The following TRPM3 variants were observed in gnomAD, a reference collection of about 807,000 sequenced individuals.
TRPM3 encodes the protein transient receptor potential cation channel subfamily M member 3, also known as long transient receptor potential channel 3.
A neutral mutation model predicts 181.2 loss-of-function variants in TRPM3; 77 were observed. That is an observed-to-expected ratio of 0.42 (90% CI 0.35 to 0.51). The LOEUF (loss-of-function observed/expected upper bound fraction) is 0.51, where lower values mean the gene tolerates loss of function less well. TRPM3 is among the 20% of genes least tolerant of loss of function. TRPM3 has a pLI of 0.01. For missense variants in TRPM3, 1,759 were observed against 2,196.7 expected, an observed-to-expected ratio of 0.80 and a Z score of 3.98; for synonymous variants, 745 against 796.4, an observed-to-expected ratio of 0.94 and a Z score of 1.09.
chr9:70,694,222 A>T (rs1025934049), intron 8 of TRPM3, among the ~76,000 whole-genome samples: 1 of 152,150 alleles, frequency 6.6e-6, no homozygotes, highest in Admixed American at 6.5e-5. Context: ...AGTATGGCAG[A>T]TGTCCTGTGT....
intron 1 of TRPM3, among the ~76,000 whole-genome samples, chr9:71,331,933 G>C (rs999544069): frequency 2.2e-5 from 3 of 137,072 alleles, no homozygotes; most frequent in African/African-American, 8.2e-5. Flanking sequence ...GAGGAAGAAG[G>C]TGAAGGAGAA....
intron 1 of TRPM3, among the ~76,000 whole-genome samples, chr9:71,372,779 G>T (rs1047324710): frequency 1.3e-5 from 2 of 152,024 alleles, no homozygotes; most frequent in Admixed American, 6.6e-5. Context: ...TGGCAAGCTG[G>T]GTAAAGGGTC....
chr9:71,418,826 T>TATAG (rs138198194), intron 1 of TRPM3, among the ~76,000 whole-genome samples: 10 of 143,072 alleles, frequency 7.0e-5, no homozygotes, highest in Middle Eastern at 3.6e-3. Flanking sequence ...TATATATATA[T>TATAG]ATCCTTTGAG....
chr9:70,551,121 C>A (rs1445802686), intron 24 of TRPM3, among the ~76,000 whole-genome samples: 4 of 152,168 alleles, frequency 2.6e-5, no homozygotes, highest in Non-Finnish European at 5.9e-5. Flanking sequence ...AAATAAAATA[C>A]TATTTTTTAA....
chr9:70,977,370 G>A (rs1246123891), intron 1 of TRPM3, among the ~76,000 whole-genome samples: 7 of 152,196 alleles, frequency 4.6e-5, no homozygotes, highest in Admixed American at 4.6e-4. Flanking sequence ...TCCTGACCTC[G>A]TGATCCCCCG....
chr9:71,259,108 T>C (rs1295858339), intron 1 of TRPM3, among the ~76,000 whole-genome samples: 1 of 152,052 alleles, frequency 6.6e-6, no homozygotes, highest in East Asian at 1.9e-4. Flanking sequence ...TGTGTTCTCA[T>C]TGTTCAACTC....
At position 71,281,922 on chromosome 9, in the gene TRPM3, G is replaced by T. The variant is rs111456985; in HGVS notation, c.183+164731C>A. Among the ~76,000 whole-genome samples, 3 of 152,178 alleles carry T rather than the reference G, an allele frequency of 2.0e-5. No homozygotes were observed. The South Asian group carries it at 6.2e-4, about 32-fold the overall frequency. On this transcript the variant is annotated intron_variant, in intron 1 of 24. Transcript: ENST00000357533. ...ACTAAAAGTACAAAATTAGCCAGGC[G>T]TGGTGGCACATGCCTGTAATCCTGG...
chr9:71,400,015 G>A (rs769531490), intron 1 of TRPM3, among the ~76,000 whole-genome samples: 2 of 152,110 alleles, frequency 1.3e-5, no homozygotes, highest in Admixed American at 6.5e-5. Context: ...GTTTCTTCAG[G>A]TGAGAAATAA....
chr9:71,166,543 C>T (rs954797237), intron 1 of TRPM3, among the ~76,000 whole-genome samples: 2 of 152,038 alleles, frequency 1.3e-5, no homozygotes, highest in South Asian at 2.1e-4. Context: ...TCTGACCTGA[C>T]ACTGGAGTAT....
intron 3 of TRPM3, 85 bp from the exon 4 acceptor site, chr9:70,846,676 A>C: frequency 1.8e-6 from 2 of 1,128,012 alleles, no homozygotes; most frequent in Non-Finnish European, 2.6e-6. Context: ...TTATATGTGT[A>C]GTTATGTGAC....
chr9:70,549,287 C>T (rs1469559305), intron 25 of TRPM3, among the ~76,000 whole-genome samples: 6 of 152,152 alleles, frequency 3.9e-5, no homozygotes, highest in Non-Finnish European at 7.3e-5. Context: ...TCAGGCCTGT[C>T]CTGCACTCAA....
chr9:70,798,737 G>A lies in TRPM3; in HGVS notation c.974-14458C>T, dbSNP rs546568063. Among the ~76,000 whole-genome samples the A allele has an allele frequency of 7.6e-4, 115 of 152,314 alleles. 1 individual carries two copies. Among genetic ancestry groups the A allele is most frequent in the African/African-American group, 2.5e-3 (103 of 41,572 alleles). On this transcript the variant is annotated intron_variant, in intron 6 of 25. Transcript: ENST00000677713. ...GAAGAGCTAAAGGGACAGGAATAAC[G>A]TGATAATCATTAAGGGGTTGCCTGT...
chr9:70,592,602 T>C (rs2058307650), intron 21 of TRPM3, among the ~76,000 whole-genome samples: 1 of 152,116 alleles, frequency 6.6e-6, no homozygotes, highest in African/African-American at 2.4e-5. Flanking sequence ...CATCAAAACA[T>C]AGAATACAAA....
chr9:70,961,157 T>C (rs2097132816), intron 1 of TRPM3, among the ~76,000 whole-genome samples: 1 of 152,052 alleles, frequency 6.6e-6, no homozygotes, highest in Admixed American at 6.6e-5. Flanking sequence ...AGAGAGGAGA[T>C]GTGATGACGT....
At position 70,916,280 on chromosome 9, in the gene TRPM3, T is replaced by A. The variant is rs182479743; in HGVS notation, c.178-51769A>T. On this transcript the variant is annotated intron_variant, in intron 1 of 25. Coordinates refer to ENST00000677713, the MANE Select transcript of TRPM3 (RefSeq NM_001366145.2). ...TCAATCAGAAAGAAAGGGACATTAA[T>A]GAGCAATAAGAAATCATCTGAAGGT... is the stretch of plus-strand genomic sequence containing the variant. 4.7e-4 allele frequency among the ~76,000 whole-genome samples: 72 copies of A among 152,272 alleles called. 1 individual carries two copies. Among genetic ancestry groups the A allele is most frequent in the Admixed American group, 4.4e-3 (67 of 15,282 alleles).
intron 5 of TRPM3, among the ~76,000 whole-genome samples, chr9:70,834,348 C>G (rs2094156092): frequency 6.6e-6 from 1 of 152,156 alleles, no homozygotes; most frequent in Non-Finnish European, 1.5e-5. Context: ...GCTCCCTTTG[C>G]CCAGTCCTGA....
chr9:71,204,643 A>C (rs148460012), intron 1 of TRPM3, among the ~76,000 whole-genome samples: 218 of 152,310 alleles, frequency 1.4e-3, no homozygotes, highest in African/African-American at 5.1e-3. Flanking sequence ...ACCCTTGTGG[A>C]AGTCAGTGTG....
intron 6 of TRPM3, among the ~76,000 whole-genome samples, chr9:70,797,571 T>C (rs552803830): frequency 6.6e-6 from 1 of 152,334 alleles, no homozygotes; most frequent in African/African-American, 2.4e-5. Flanking sequence ...CACCAGACTA[T>C]CCTCACCATC....
At chr9:71,252,854 T>C (rs986415929) in intron 1 of TRPM3, among the ~76,000 whole-genome samples, 7 of 145,684 alleles carry the variant, frequency 4.8e-5, no homozygotes, top group Non-Finnish European at 7.5e-5. Context: ...TCTCTTTTTT[T>C]TTTTTTTTTT....
Sources: allele counts gnomAD v4.1 joint callset (sites outside exome capture counted in the v4.1 genomes callset), GRCh38; gene constraint gnomAD v4.1.1; transcripts MANE v1.5; gene names NCBI Gene and HGNC (gene_info 2026-07-23, HGNC 2026-07-21).